The following PPARA variants were observed in gnomAD, a reference collection of about 807,000 sequenced individuals.
PPARA encodes the protein peroxisome proliferator-activated receptor alpha.
Under a neutral mutation model 42.2 loss-of-function variants are expected in PPARA, and 22 were observed. The observed-to-expected ratio is 0.52, with a 90% CI of 0.37 to 0.74. The LOEUF (loss-of-function observed/expected upper bound fraction) is 0.74. PPARA is among the 30% of genes least tolerant of loss of function. The pLI is 0.00. For missense variants in PPARA, 465 were observed against 608.2 expected, an observed-to-expected ratio of 0.76 and a Z score of 2.48; for synonymous variants, 242 against 239.3, an observed-to-expected ratio of 1.01 and a Z score of -0.10.
intron 7 of PPARA, among the ~76,000 whole-genome samples, chr22:46,228,820 A>C (rs1935657095): frequency 6.6e-6 from 1 of 152,002 alleles, no homozygotes; most frequent in South Asian, 2.1e-4. Flanking sequence ...TAAAAAAATT[A>C]TTGGCTGGGC....
intron 4 of PPARA, among the ~76,000 whole-genome samples, chr22:46,206,633 T>C (rs1477332810): frequency 6.6e-6 from 1 of 152,236 alleles, no homozygotes; most frequent in East Asian, 1.9e-4. Flanking sequence ...TGGTAATGTT[T>C]CACATAATTT....
rs1380605630 is a variant in PPARA, at chr22:46,163,577, T to C, written c.-127+11607T>C. 2 of 152,082 alleles carry C rather than the reference T, an allele frequency of 1.3e-5. No homozygotes were observed. The highest frequency in any genetic ancestry group is 2.4e-5 in the African/African-American group (1 of 41,404). The allele number at this position is 152,082 out of a possible 1,614,324, so 9.4% of individuals were successfully genotyped here. On this transcript the variant is annotated intron_variant, in intron 2 of 8. Transcript: ENST00000407236. This position sits in a 1 kb window ranked among gnomAD's most constrained non-coding sequence, Gnocchi z 4.9. ...CATTTGGTTTGATAGAAATGAGAGG[T>C]AGATGATTCCCTAGACAAATGCAGG... is the stretch of plus-strand genomic sequence containing the variant.
chr22:46,198,060 C>G (rs1932503433), intron 3 of PPARA, among the ~76,000 whole-genome samples: 2 of 146,946 alleles, frequency 1.4e-5, no homozygotes, highest in Non-Finnish European at 3.0e-5. Flanking sequence ...TGAAACCCGT[C>G]TCTACTAAAA....
chr22:46,211,741 A>G lies in PPARA; in HGVS notation c.209-3432A>G, dbSNP rs1392344881. On this transcript the variant is annotated intron_variant, in intron 4 of 8. Transcript: ENST00000407236. This position sits in a 1 kb window ranked among gnomAD's most constrained non-coding sequence, Gnocchi z 4.1. Reference sequence around the variant, plus strand: ...TGCTCTGTCACCCAGGCTGGAGTGCAGTGGCACAATCTCGGCTCACTACAA... The same window carrying G: ...TGCTCTGTCACCCAGGCTGGAGTGCGGTGGCACAATCTCGGCTCACTACAA... Among the ~76,000 whole-genome samples, 1 of 152,132 alleles carries G rather than the reference A, an allele frequency of 6.6e-6. No homozygotes were observed. The highest frequency in any genetic ancestry group is 1.5e-5 in the Non-Finnish European group (1 of 68,024).
In PPARA at chr22:46,205,551, TATA is replaced by T. The variant is rs1190367099; in HGVS notation, c.208+6961_208+6963del. Among the ~76,000 whole-genome samples, 130 of 32,542 alleles carry T rather than the reference TATA, an allele frequency of 4.0e-3. 5 individuals are homozygous for T. The highest frequency in any genetic ancestry group is 0.019 in the African/African-American group (117 of 6,216). The allele number at this position is 32,542 out of a possible 152,430, so 21.3% of individuals were successfully genotyped here. A position where few individuals can be genotyped will look rare whatever the true frequency, so the allele number is the denominator to read the frequency against. On this transcript the variant is annotated intron_variant, in intron 4 of 8. Transcript: ENST00000407236. ...ATATATATATATATATATATATATA[TATA>T]TTTTTTTTTTTTTTTTTTTTTTTTT... is the stretch of plus-strand genomic sequence containing the variant.
intron 3 of PPARA, among the ~76,000 whole-genome samples, chr22:46,181,172 A>G (rs945868917): frequency 2.6e-5 from 4 of 152,162 alleles, no homozygotes; most frequent in Non-Finnish European, 5.9e-5. Flanking sequence ...CAGGAAAGAA[A>G]CTGAAAATGG....
In PPARA at chr22:46,192,059, A is replaced by G. The variant is rs775235753; in HGVS notation, c.-42-6283A>G. ...CAGCCTGGTGACAGAGTGAGACTCC[A>G]TCTCAAAAAAAAGAGAAAGAAAGAA... On this transcript the variant is annotated intron_variant, in intron 3 of 8. Transcript: ENST00000407236. This position sits in a 1 kb window ranked among gnomAD's most constrained non-coding sequence, Gnocchi z 4.3. 2.6e-5 allele frequency among the ~76,000 whole-genome samples: 4 copies of G among 152,154 alleles called. No homozygotes were observed. The highest frequency in any genetic ancestry group is 5.9e-5 in the Non-Finnish European group (4 of 68,016).
chr22:46,197,370 C>T (rs1332010593), intron 3 of PPARA, among the ~76,000 whole-genome samples: 2 of 152,080 alleles, frequency 1.3e-5, no homozygotes, highest in African/African-American at 2.4e-5. Flanking sequence ...TTTTTGTCTC[C>T]GCTGTGTCCC....
At chr22:46,198,672 T>A in intron 4 of PPARA, 81 bp downstream of exon 4, 1 of 1,395,272 alleles carries the variant, frequency 7.2e-7, no homozygotes, top group Non-Finnish European at 9.8e-7. Context: ...TTTTTTTTTT[T>A]TTTTTTGAGA....
In PPARA at chr22:46,235,306, C is replaced by A; in HGVS notation, c.1333C>A (p.Gln445Lys). ...QLVTEHAQLV[Q>K]IIKKTESDAA... ...GGTGACGGAGCATGCGCAGCTGGTG[C>A]AGATCATCAAGAAGACGGAGTCGGA... The change falls in exon 9 of 9, where the codon CAG becomes AAG. Residue 445 changes from glutamine (Q) to lysine (K), a missense_variant. Coordinates refer to ENST00000407236, the MANE Select transcript of PPARA (RefSeq NM_005036.6). The surrounding 1 kb of genome is among the most constrained non-coding windows in gnomAD (Gnocchi z 7.0). 1.2e-6 allele frequency: 2 copies of A among 1,614,078 alleles called. No homozygotes were observed. Among genetic ancestry groups the A allele is most frequent in the Non-Finnish European group, 1.7e-6 (2 of 1,180,028 alleles).
chr22:46,240,070 G>A lies in PPARA; in HGVS notation c.*4690G>A. The A allele has an allele frequency of 7.5e-6, 3 of 398,456 alleles. No individual in the cohort carries two copies. Among genetic ancestry groups the A allele is most frequent in the Non-Finnish European group, 1.3e-5 (3 of 226,344 alleles). 24.7% of individuals were successfully genotyped at this position (398,456 alleles called of 1,614,324 possible). A position where few individuals can be genotyped will look rare whatever the true frequency, so the allele number is the denominator to read the frequency against. On this transcript the variant is annotated 3_prime_UTR_variant, in exon 9 of 9. Transcript: ENST00000407236. The surrounding 1 kb of genome is among the most constrained non-coding windows in gnomAD (Gnocchi z 6.0). ...GACCGACAGCCTGGCCTTTGGTGGG[G>A]GGCTTCCTGGGGCCTGGGGAAAGCT...
chr22:46,183,214 A>C lies in PPARA; in HGVS notation c.-43+6378A>C, dbSNP rs994750583. 6.6e-6 allele frequency among the ~76,000 whole-genome samples: 1 copy of C among 152,230 alleles called. No homozygotes were observed. The highest frequency in any genetic ancestry group is 1.5e-5 in the Non-Finnish European group (1 of 68,040). ...GAGTAAATGGGTAATTCTCCACTGAACACACACTCGTTTAGCAGCATAAGC... is the reference window on the plus strand; with the variant it reads ...GAGTAAATGGGTAATTCTCCACTGACCACACACTCGTTTAGCAGCATAAGC... On this transcript the variant is annotated intron_variant, in intron 3 of 8. Coordinates refer to ENST00000407236, the MANE Select transcript of PPARA (RefSeq NM_005036.6). This position sits in a 1 kb window ranked among gnomAD's most constrained non-coding sequence, Gnocchi z 5.5.
chr22:46,207,677 A>ATTTTTTTTTTTTT lies in PPARA; in HGVS notation c.209-7485_209-7473dup, dbSNP rs764662561. ...TATTATTATTATTATTATTATTATT[A>ATTTTTTTTTTTTT]TTTTTTTTTTTTTTTTTTTTTTTAG... On this transcript the variant is annotated intron_variant, in intron 4 of 8. Transcript: ENST00000407236. 9.9e-5 allele frequency among the ~76,000 whole-genome samples: 5 copies of ATTTTTTTTTTTTT among 50,724 alleles called. 1 individual carries two copies. The highest frequency in any genetic ancestry group is 1.6e-4 in the Non-Finnish European group (5 of 30,342). 33.3% of individuals were successfully genotyped at this position (50,724 alleles called of 152,430 possible).
chr22:46,170,402 ATTTTTTTTTTTTT>A (rs935185946), intron 2 of PPARA, among the ~76,000 whole-genome samples: 2 of 64,210 alleles, frequency 3.1e-5, no homozygotes, highest in Non-Finnish European at 5.9e-5. Context: ...CACCCAGCTA[ATTTTTTTTTTTTT>A]TTTTTTTTTT....
Position 46,154,988 on chromosome 22 carries a change from TAAAAAAAAAAAAAAAAA to T in PPARA, c.-127+3041_-127+3057del, listed in dbSNP as rs71190699. The T allele has an allele frequency of 3.5e-3, 110 of 31,000 alleles. 2 individuals are homozygous for T. Among genetic ancestry groups the T allele is most frequent in the South Asian group, 0.021 (9 of 438 alleles). The allele number at this position is 31,000 out of a possible 1,614,324, so 1.9% of individuals were successfully genotyped here. ...GCACCCGGCATAAGTGGTCTTTCTT[TAAAAAAAAAAAAAAAAA>T]AAAAAAAAAAAAAAAAAAAAAACCA... On this transcript the variant is annotated intron_variant, in intron 2 of 8. Coordinates refer to ENST00000407236, the MANE Select transcript of PPARA (RefSeq NM_005036.6).
rs190365742 is a variant in PPARA, at chr22:46,211,062, C to T, written c.209-4111C>T. On this transcript the variant is annotated intron_variant, in intron 4 of 8. Coordinates refer to ENST00000407236, the MANE Select transcript of PPARA (RefSeq NM_005036.6). The surrounding 1 kb of genome is among the most constrained non-coding windows in gnomAD (Gnocchi z 4.1). ...GTGGGCCCCAGGCAGCGTTCACTAT[C>T]ATCATTTCAGGTTGCTACTGAAGTA... is the stretch of plus-strand genomic sequence containing the variant. Among the ~76,000 whole-genome samples, 4 of 152,304 alleles carry T rather than the reference C, an allele frequency of 2.6e-5. No homozygotes were observed. The highest frequency in any genetic ancestry group is 9.6e-5 in the African/African-American group (4 of 41,568).
Position 46,183,861 on chromosome 22 carries a change from G to A in PPARA, c.-43+7025G>A, listed in dbSNP as rs1441267190. On this transcript the variant is annotated intron_variant, in intron 3 of 8. Transcript: ENST00000407236. The surrounding 1 kb of genome is among the most constrained non-coding windows in gnomAD (Gnocchi z 5.5). ...ATGACACACAGTAAACCACACAGAG[G>A]GTTCTAACGTGGTTGTTAGAAGCAG... Among the ~76,000 whole-genome samples the A allele has an allele frequency of 3.3e-5, 5 of 152,154 alleles. No homozygotes were observed. The highest frequency in any genetic ancestry group is 7.3e-5 in the Non-Finnish European group (5 of 68,030).
At position 46,196,001 on chromosome 22, in the gene PPARA, A is replaced by G. The variant is rs1317252301; in HGVS notation, c.-42-2341A>G. Among the ~76,000 whole-genome samples, 1 of 152,160 alleles carries G rather than the reference A, an allele frequency of 6.6e-6. No individual in the cohort carries two copies. The highest frequency in any genetic ancestry group is 1.9e-4 in the East Asian group (1 of 5,194). ...GGTTCAGGCAGGTGGCACCTGGGCAAAGGTGCAGACGTGGAATCCTGAAAG... is the reference window on the plus strand; with the variant it reads ...GGTTCAGGCAGGTGGCACCTGGGCAGAGGTGCAGACGTGGAATCCTGAAAG... On this transcript the variant is annotated intron_variant, in intron 3 of 8. Coordinates refer to ENST00000407236, the MANE Select transcript of PPARA (RefSeq NM_005036.6). This position sits in a 1 kb window ranked among gnomAD's most constrained non-coding sequence, Gnocchi z 5.6.
intron 4 of PPARA, among the ~76,000 whole-genome samples, chr22:46,205,336 C>A (rs966258429): frequency 4.6e-5 from 7 of 150,788 alleles, no homozygotes; most frequent in African/African-American, 1.7e-4. Flanking sequence ...CCTACTTCAG[C>A]CTCCCAAGTA....
Sources: allele counts gnomAD v4.1 joint callset (sites outside exome capture counted in the v4.1 genomes callset), GRCh38; gene constraint gnomAD v4.1.1; non-coding constraint Gnocchi (gnomAD v3.1); transcripts MANE v1.5; gene names NCBI Gene and HGNC (gene_info 2026-07-23, HGNC 2026-07-21).